LMNB2: variants seen among roughly 807,000 people sequenced by gnomAD.
LMNB2 encodes lamin B2, also known as lamin-B2.
LMNB2 carries 17 observed loss-of-function variants against 69.3 expected under a neutral mutation model. The ratio of observed to expected loss-of-function variants is 0.25; its 90% CI spans 0.17 to 0.37. The LOEUF (loss-of-function observed/expected upper bound fraction) is 0.37. Among genes scored for constraint, LMNB2 ranks in the 10% least tolerant of loss-of-function variants. The pLI is 1.00. For synonymous variants in LMNB2, 397 were observed against 389.3 expected, an observed-to-expected ratio of 1.02 and a Z score of -0.23; for missense variants, 789 against 883.6, an observed-to-expected ratio of 0.89 and a Z score of 1.36.
Position 2,454,145 on chromosome 19 carries a change from G to A in LMNB2, c.264+2525C>T, listed in dbSNP as rs146932006. 3.5e-3 allele frequency among the ~76,000 whole-genome samples: 534 copies of A among 151,934 alleles called. 3 individuals carry two copies. Among genetic ancestry groups the A allele is most frequent in the African/African-American group, 0.012 (507 of 41,420 alleles). ...CTGTCTCTACTAAAAATACAAAAATGAGCCGGGCATGGTGGTGAACACCTG... is the reference window on the plus strand; with the variant it reads ...CTGTCTCTACTAAAAATACAAAAATAAGCCGGGCATGGTGGTGAACACCTG... On this transcript the variant is annotated intron_variant, in intron 1 of 11. Coordinates refer to ENST00000325327, the MANE Select transcript of LMNB2 (RefSeq NM_032737.4).
chr19:2,435,044 A>G lies in LMNB2; in HGVS notation c.812T>C (p.Val271Ala). 6.3e-7 allele frequency: 1 copy of G among 1,583,422 alleles called. No homozygotes were observed. Residue 271 changes from valine (V) to alanine (A), a missense_variant, in exon 5 of 12, where the codon GTG becomes GCG. Val to Ala is a moderately conservative substitution (Grantham distance 64). Around this residue, in one of 3 missense-constraint regions of LMNB2, gnomAD observed 609 missense variants for 630.9 expected, o/e 0.97. Transcript: ENST00000325327. ...EELRSQHDEQ[V>A]RLYKLELEQT... ...CTCCAGCTCCAGCTTGTAGAGCCGC[A>G]CTTGCTCGTCGTGCTGGCTCCGCAG... is the stretch of plus-strand genomic sequence containing the variant.
chr19:2,439,916 A>G (rs1417313390), intron 2 of LMNB2, among the ~76,000 whole-genome samples: 2 of 151,980 alleles, frequency 1.3e-5, no homozygotes, highest in Admixed American at 1.3e-4. Context: ...TATTTTTAGT[A>G]GAGATGGGGT....
chr19:2,433,947 G>A lies in LMNB2; in HGVS notation c.1361C>T (p.Thr454Met), dbSNP rs200356238. ...PLGSGPSVLGTGTGGSGGFHL... is the reference protein window; with the variant it reads ...PLGSGPSVLGMGTGGSGGFHL... ...GAAGCCACCGCTGCCACCCGTGCCC[G>A]TGCCCAGGACGCTTGGGCCGCTGCC... The change falls in exon 8 of 12, where the codon ACG (threonine) becomes ATG (methionine). Residue 454 changes from threonine (T) to methionine (M), a missense_variant. Physicochemically the swap from Thr to Met is moderately conservative, Grantham distance 81. Around this residue, in one of 3 missense-constraint regions of LMNB2, gnomAD observed 609 missense variants for 630.9 expected, o/e 0.97. Transcript: ENST00000325327. The A allele has an allele frequency of 9.1e-5, 147 of 1,612,044 alleles. No individual in the cohort carries two copies. Among genetic ancestry groups the A allele is most frequent in the Non-Finnish European group, 5.1e-5 (60 of 1,179,788 alleles).
intron 2 of LMNB2, among the ~76,000 whole-genome samples, chr19:2,442,312 C>G (rs1971907903): frequency 6.6e-6 from 1 of 151,984 alleles, no homozygotes; most frequent in Admixed American, 6.6e-5. Flanking sequence ...AAAAATTAGG[C>G]CAGGCATGGT....
At chr19:2,440,720 TCATCCATC>T (rs142407808) in intron 2 of LMNB2, among the ~76,000 whole-genome samples, 11 of 151,258 alleles carry the variant, frequency 7.3e-5, no homozygotes, top group Admixed American at 1.3e-4. Context: ...ATCCATCTAC[TCATCCATC>T]CATCCATCCA....
Position 2,443,371 on chromosome 19 carries a change from C to T in LMNB2, c.401+1033G>A, listed in dbSNP as rs1435110403. Among the ~76,000 whole-genome samples, 1 of 152,312 alleles carries T rather than the reference C, an allele frequency of 6.6e-6. No individual in the cohort carries two copies. Among genetic ancestry groups the T allele is most frequent in the African/African-American group, 2.4e-5 (1 of 41,574 alleles). On this transcript the variant is annotated intron_variant, in intron 2 of 11. Transcript: ENST00000325327. This position sits in a 1 kb window ranked among gnomAD's most constrained non-coding sequence, Gnocchi z 6.2. ...CGGATGGAGAGGTCACCTGCAACCA[C>T]GCATGGGGGCCCCGGCACTGTTGGA...
Position 2,430,871 on chromosome 19 carries a change from G to A in LMNB2, c.*40C>T. On this transcript the variant is annotated 3_prime_UTR_variant, in exon 12 of 12. Transcript: ENST00000325327. ...AATGATATAAAAATAGTTTTCAGTG[G>A]CTCTGGGTAAAGAAAGGTGTGTGGA... 7.6e-7 allele frequency: 1 copy of A among 1,323,846 alleles called. No homozygotes were observed. The highest frequency in any genetic ancestry group is 1.1e-6 in the Non-Finnish European group (1 of 915,016). 82.0% of individuals were successfully genotyped at this position (1,323,846 alleles called of 1,614,324 possible). A position where few individuals can be genotyped will look rare whatever the true frequency, so the allele number is the denominator to read the frequency against.
chr19:2,436,256 C>A (rs1182175804), intron 4 of LMNB2, among the ~76,000 whole-genome samples: 1 of 152,170 alleles, frequency 6.6e-6, no homozygotes, highest in African/African-American at 2.4e-5. Context: ...GTACTCCAGC[C>A]TGGGTGACAG....
chr19:2,447,641 G>A lies in LMNB2; in HGVS notation c.265-3101C>T, dbSNP rs998189890. On this transcript the variant is annotated intron_variant, in intron 1 of 11. Transcript: ENST00000325327. The surrounding 1 kb of genome is among the most constrained non-coding windows in gnomAD (Gnocchi z 4.4). ...GGCGGAACCAGGCCCAGCACCACCC[G>A]CTAGAACGCCGTGATGTTCCCACAG... Among the ~76,000 whole-genome samples, 3 of 152,152 alleles carry A rather than the reference G, an allele frequency of 2.0e-5. No individual in the cohort carries two copies. Among genetic ancestry groups the A allele is most frequent in the Non-Finnish European group, 4.4e-5 (3 of 68,020 alleles).
chr19:2,434,075 G>T lies in LMNB2; in HGVS notation c.1233C>A (p.Arg411=), dbSNP rs910442854. Residue 411 remains arginine (R), a synonymous_variant, in exon 8 of 12, where the codon CGC becomes CGA. Coordinates refer to ENST00000325327, the MANE Select transcript of LMNB2 (RefSeq NM_032737.4). ...TCGAGGTGGCTCGTGAGACGGTGAC[G>T]CGCGAGGATGGGCTGGGGGACAGCT... ...RLKLSPSPSS[R]VTVSRATSSS... 6 of 1,594,290 alleles carry T rather than the reference G, an allele frequency of 3.8e-6. No homozygotes were observed. Among genetic ancestry groups the T allele is most frequent in the Non-Finnish European group, 3.4e-6 (4 of 1,172,158 alleles).
chr19:2,431,484 T>C (rs1323470780), intron 11 of LMNB2, 64 bp downstream of exon 11: 7 of 1,603,950 alleles, frequency 4.4e-6, no homozygotes, highest in Non-Finnish European at 6.0e-6. Context: ...TGTGTATGTG[T>C]GTGCACGAGC....
At position 2,429,108 on chromosome 19, in the gene LMNB2, A is replaced by C. The variant is rs1339424685; in HGVS notation, c.*1803T>G. On this transcript the variant is annotated 3_prime_UTR_variant, in exon 12 of 12. Transcript: ENST00000325327. The stretch of plus-strand genomic sequence containing the variant: ...ACAGCTTTGCTCCTCCAGAGCCAAA[A>C]TACATAGGATGTGGCTGAGACCACT... 1.3e-5 allele frequency: 2 copies of C among 152,288 alleles called. No individual in the cohort carries two copies. The highest frequency in any genetic ancestry group is 2.9e-5 in the Non-Finnish European group (2 of 68,076). 9.4% of individuals were successfully genotyped at this position (152,288 alleles called of 1,614,324 possible).
intron 9 of LMNB2, 139 bp from the exon 10 acceptor site, chr19:2,432,041 G>T: frequency 8.8e-7 from 1 of 1,133,486 alleles, no homozygotes. Flanking sequence ...CTTATCCAGG[G>T]TGATGGTCCC....
chr19:2,454,993 A>C (rs1420428875), intron 1 of LMNB2, among the ~76,000 whole-genome samples: 1 of 151,928 alleles, frequency 6.6e-6, no homozygotes, highest in Non-Finnish European at 1.5e-5. Context: ...CGGACCCAAG[A>C]TCCCAACTCT....
At chr19:2,450,320 C>A (rs199920207) in intron 1 of LMNB2, among the ~76,000 whole-genome samples, 1 of 152,024 alleles carries the variant, frequency 6.6e-6, no homozygotes, top group East Asian at 1.9e-4. Flanking sequence ...GACGTAGTCA[C>A]TAAATGTCAC....
chr19:2,452,343 A>T (rs1474966038), intron 1 of LMNB2, among the ~76,000 whole-genome samples: 2 of 151,980 alleles, frequency 1.3e-5, no homozygotes. Context: ...CTGAGGCACG[A>T]GAAGCCCTTG....
intron 4 of LMNB2, chr19:2,436,971 T>A (rs542051711): frequency 1.8e-4 from 27 of 152,062 alleles, no homozygotes; most frequent in African/African-American, 6.3e-4. Context: ...CTCTCGTGAG[T>A]CTCTTCACGG....
intron 4 of LMNB2, chr19:2,437,068 G>A (rs920093490): frequency 6.5e-6 from 1 of 152,740 alleles, no homozygotes; most frequent in African/African-American, 2.4e-5. Flanking sequence ...CCCACTCCCT[G>A]GGCCTGGCCA....
chr19:2,431,477 G>A (rs2145443888), intron 11 of LMNB2, 71 bp downstream of exon 11: 6 of 1,594,542 alleles, frequency 3.8e-6, no homozygotes, highest in Non-Finnish European at 5.2e-6. Flanking sequence ...GCACGCATGT[G>A]TATGTGTGTG....
Sources: gnomAD v4.1 joint callset for allele counts (sites outside exome capture counted in the v4.1 genomes callset) on GRCh38, gnomAD v4.1.1 for gene constraint, gnomAD v4.1.1 regional missense constraint, Gnocchi (gnomAD v3.1) non-coding constraint, MANE v1.5 for transcripts, NCBI Gene and HGNC (gene_info 2026-07-23, HGNC 2026-07-21) for gene names.